B3GALT1: variants seen among roughly 807,000 people sequenced by gnomAD.
B3GALT1 encodes beta-1,3-galactosyltransferase 1, also known as UDP-Gal:betaGlcNAc beta 1,3-galactosyltransferase, polypeptide 1.
B3GALT1 carries 10 observed loss-of-function variants against 23.2 expected under a neutral mutation model. That is an observed-to-expected ratio of 0.43 (90% CI 0.27 to 0.73). The LOEUF (loss-of-function observed/expected upper bound fraction) is 0.73. B3GALT1 is among the 30% of genes least tolerant of loss of function. The pLI is 0.21. For synonymous variants in B3GALT1, 156 were observed against 141.5 expected (o/e 1.10, Z -0.73); for missense variants, 299 against 405.4 (o/e 0.74, Z 2.25).
At chr2:167,550,196 C>G (rs1683721533) in intron 2 of B3GALT1, among the ~76,000 whole-genome samples, 1 of 152,168 alleles carries the variant, frequency 6.6e-6, no homozygotes, top group Non-Finnish European at 1.5e-5. Flanking sequence ...AATATGCAAG[C>G]TAATCTCAGA....
At chr2:167,799,698 A>T (rs1476402694) in intron 3 of B3GALT1, among the ~76,000 whole-genome samples, 1 of 152,220 alleles carries the variant, frequency 6.6e-6, no homozygotes, top group African/African-American at 2.4e-5. Flanking sequence ...TTGAGAAGTC[A>T]TGCTTTCTAG....
chr2:167,698,213 T>C (rs1009914922), intron 3 of B3GALT1, among the ~76,000 whole-genome samples: 3 of 152,198 alleles, frequency 2.0e-5, no homozygotes, highest in African/African-American at 7.2e-5. Flanking sequence ...TCTTGGTCAT[T>C]GTGGATATTT....
In B3GALT1 at chr2:167,787,705, C is replaced by G. The variant is rs373261071; in HGVS notation, c.-351-30967C>G. Among the ~76,000 whole-genome samples the G allele has an allele frequency of 2.0e-5, 3 of 152,154 alleles. No homozygotes were observed. In the East Asian group the frequency reaches 5.8e-4, roughly 29 times the overall value. ...ACCATTCCAGGACAGGGCATGCTGC[C>G]CAGTGCTGCCAAACCAGAGCCATCT... is the stretch of plus-strand genomic sequence containing the variant. On this transcript the variant is annotated intron_variant, in intron 3 of 4. Transcript: ENST00000392690.
chr2:167,836,688 T>C (rs886101320), intron 4 of B3GALT1, among the ~76,000 whole-genome samples: 28 of 152,226 alleles, frequency 1.8e-4, no homozygotes, highest in African/African-American at 6.5e-4. Flanking sequence ...ACCACAAAGA[T>C]AATCCTCAAG....
At chr2:167,315,796 G>A (rs567200559) in intron 1 of B3GALT1, among the ~76,000 whole-genome samples, 9 of 152,196 alleles carry the variant, frequency 5.9e-5, no homozygotes, top group Non-Finnish European at 1.2e-4. Context: ...TTTTGAAAAT[G>A]TAATGATAGA....
At chr2:167,820,573 G>A (rs1689083428) in intron 4 of B3GALT1, among the ~76,000 whole-genome samples, 1 of 152,190 alleles carries the variant, frequency 6.6e-6, no homozygotes, top group South Asian at 2.1e-4. Flanking sequence ...GAGCCTGTGT[G>A]ACTGCAAAGA....
intron 4 of B3GALT1, among the ~76,000 whole-genome samples, chr2:167,862,012 C>T (rs1211400134): frequency 1.3e-5 from 2 of 152,138 alleles, no homozygotes; most frequent in African/African-American, 4.8e-5. Flanking sequence ...TGCAACCTTG[C>T]CCATGGTGAA....
intron 3 of B3GALT1, among the ~76,000 whole-genome samples, chr2:167,667,104 A>G (rs1449480808): frequency 6.6e-6 from 1 of 151,818 alleles, no homozygotes; most frequent in South Asian, 2.1e-4. Flanking sequence ...GTTCCCTTCC[A>G]TGTTTAGCAC....
At chr2:167,680,685 G>C (rs1478306833) in intron 3 of B3GALT1, among the ~76,000 whole-genome samples, 1 of 152,146 alleles carries the variant, frequency 6.6e-6, no homozygotes, top group African/African-American at 2.4e-5. Context: ...AGAGGTTAAG[G>C]GATTTGTCTA....
intron 3 of B3GALT1, among the ~76,000 whole-genome samples, chr2:167,680,507 G>A (rs1300425419): frequency 6.6e-6 from 1 of 151,840 alleles, no homozygotes; most frequent in Non-Finnish European, 1.5e-5. Flanking sequence ...CCTTTCTAAT[G>A]ACCAAATTTT....
At chr2:167,504,751 C>G (rs901678285) in intron 2 of B3GALT1, among the ~76,000 whole-genome samples, 1 of 152,152 alleles carries the variant, frequency 6.6e-6, no homozygotes, top group Non-Finnish European at 1.5e-5. Flanking sequence ...TACACAGATA[C>G]TTAGCATTGT....
intron 2 of B3GALT1, among the ~76,000 whole-genome samples, chr2:167,635,765 C>T (rs1017353517): frequency 6.6e-6 from 1 of 152,086 alleles, no homozygotes; most frequent in African/African-American, 2.4e-5. Flanking sequence ...AACGGCCATA[C>T]TGACCAAAGT....
chr2:167,377,065 A>C (rs539585302), intron 1 of B3GALT1, among the ~76,000 whole-genome samples: 1 of 152,198 alleles, frequency 6.6e-6, no homozygotes. Flanking sequence ...ATTTCAAAAA[A>C]CTTTTATTTA....
intron 4 of B3GALT1, among the ~76,000 whole-genome samples, chr2:167,845,546 C>T (rs967881802): frequency 2.6e-5 from 4 of 152,096 alleles, no homozygotes; most frequent in East Asian, 1.9e-4. Context: ...TTAGGAAAAG[C>T]GGGGAGTACT....
chr2:167,461,767 C>T (rs1196752363), intron 1 of B3GALT1, among the ~76,000 whole-genome samples: 1 of 151,796 alleles, frequency 6.6e-6, no homozygotes, highest in African/African-American at 2.4e-5. Context: ...GATTGTGATT[C>T]TTTTAGGCAA....
chr2:167,784,792 A>G (rs952560094), intron 3 of B3GALT1, among the ~76,000 whole-genome samples: 2 of 152,242 alleles, frequency 1.3e-5, no homozygotes, highest in Non-Finnish European at 2.9e-5. Context: ...ATAAAATGTT[A>G]TTATGACATG....
chr2:167,473,063 G>A (rs761306418), intron 1 of B3GALT1, among the ~76,000 whole-genome samples: 12 of 152,092 alleles, frequency 7.9e-5, no homozygotes, highest in Admixed American at 2.0e-4. Flanking sequence ...TCAGAAATCT[G>A]CAGTGATTTC....
At chr2:167,559,707 G>A (rs1683931958) in intron 2 of B3GALT1, among the ~76,000 whole-genome samples, 1 of 152,196 alleles carries the variant, frequency 6.6e-6, no homozygotes, top group South Asian at 2.1e-4. Context: ...GGGTATCAGT[G>A]ATGGAAGACG....
chr2:167,363,755 G>A (rs1364127239), intron 1 of B3GALT1, among the ~76,000 whole-genome samples: 1 of 152,066 alleles, frequency 6.6e-6, no homozygotes, highest in African/African-American at 2.4e-5. Context: ...TAGTTTTTGA[G>A]GGCAGAATTT....
Sources: gnomAD v4.1 joint callset for allele counts (sites outside exome capture counted in the v4.1 genomes callset) on GRCh38, gnomAD v4.1.1 for gene constraint, MANE v1.5 for transcripts, NCBI Gene and HGNC (gene_info 2026-07-23, HGNC 2026-07-21) for gene names.